Variants in SAMSN1 observed in about 807,000 individuals in gnomAD.
SAMSN1 encodes the protein SAM domain, SH3 domain and nuclear localization signals 1.
Under a neutral mutation model 42.0 loss-of-function variants are expected in SAMSN1, and 31 were observed. That is an observed-to-expected ratio of 0.74 (90% confidence interval 0.55 to 1.00). The LOEUF (loss-of-function observed/expected upper bound fraction) is 1.00, where lower values mean the gene tolerates loss of function less well. SAMSN1 is among the 50% of genes least tolerant of loss of function. The pLI, the probability that SAMSN1 is intolerant of heterozygous loss-of-function variation, is 0.00. For synonymous variants in SAMSN1, 178 were observed against 151.9 expected (o/e 1.17, Z -1.26); for missense variants, 464 against 439.4 (o/e 1.06, Z -0.50).
At chr21:14,627,716 A>T (rs1600972957) in intron 2 of SAMSN1, among the ~76,000 whole-genome samples, 1 of 152,328 alleles carries the variant, frequency 6.6e-6, no homozygotes, top group Admixed American at 6.5e-5. Flanking sequence ...TACTAAATTG[A>T]ACTAAAATTT....
At chr21:14,546,539 A>G, upstream of SAMSN1, among the ~76,000 whole-genome samples, 1 of 152,072 alleles carries the variant, frequency 6.6e-6, no homozygotes, top group East Asian at 1.9e-4. Flanking sequence ...AGCCATAAGG[A>G]TTTCAAAACA....
intron 3 of SAMSN1, among the ~76,000 whole-genome samples, chr21:14,613,901 C>G (rs892703968): frequency 6.6e-6 from 1 of 151,766 alleles, no homozygotes; most frequent in Non-Finnish European, 1.5e-5. Context: ...AGGAAACATA[C>G]AGTAGAGAAA....
At chr21:14,490,307 C>T (rs1223226520) in intron 7 of SAMSN1, among the ~76,000 whole-genome samples, 1 of 152,178 alleles carries the variant, frequency 6.6e-6, no homozygotes, top group African/African-American at 2.4e-5. Flanking sequence ...TGTTAAAATT[C>T]ATATGAGAAT....
chr21:14,587,349 A>T (rs528700305), upstream of SAMSN1, among the ~76,000 whole-genome samples: 2 of 152,108 alleles, frequency 1.3e-5, no homozygotes, highest in Non-Finnish European at 2.9e-5. Flanking sequence ...TTTTGATCTA[A>T]TGAGCCATTC....
chr21:14,544,342 C>T (rs144622009), intron 1 of SAMSN1, among the ~76,000 whole-genome samples: 33 of 152,260 alleles, frequency 2.2e-4, no homozygotes, highest in Middle Eastern at 3.4e-3. Flanking sequence ...TGAGCCCATG[C>T]ACCTGGACAG....
At chr21:14,583,605 T>C, upstream of SAMSN1, 1 of 710,092 alleles carries the variant, frequency 1.4e-6, no homozygotes, top group East Asian at 2.7e-5. Flanking sequence ...GCTTCCTTAG[T>C]TCTCCCTCAA....
chr21:14,622,921 C>G (rs1302447587), intron 2 of SAMSN1, among the ~76,000 whole-genome samples: 1 of 152,232 alleles, frequency 6.6e-6, no homozygotes, highest in Non-Finnish European at 1.5e-5. Context: ...CAGCGGACCT[C>G]TCAGCAGAAA....
chr21:14,557,715 C>T (rs1219785831), intron 2 of SAMSN1, among the ~76,000 whole-genome samples: 2 of 152,232 alleles, frequency 1.3e-5, no homozygotes, highest in African/African-American at 4.8e-5. Context: ...TTTTCCATCA[C>T]CAGGAAGGCT....
chr21:14,550,179 T>C (rs1980552465), upstream of SAMSN1, among the ~76,000 whole-genome samples: 1 of 152,074 alleles, frequency 6.6e-6, no homozygotes, highest in African/African-American at 2.4e-5. Context: ...CCCTGGCCTA[T>C]GGGAGGAGTT....
In SAMSN1 at chr21:14,517,045, G is replaced by C. The variant is rs756147823; in HGVS notation, c.130-4C>G. On this transcript the variant is annotated splice_region_variant and splice_polypyrimidine_tract_variant and intron_variant, in intron 2 of 7. Coordinates refer to ENST00000400566, the MANE Select transcript of SAMSN1 (RefSeq NM_022136.5). ...TTGTGGGATCTCCTTCATGTGCCTA[G>C]TTTAGAATTGTTTACAAAAGACAAA... The C allele has an allele frequency of 6.3e-7, 1 of 1,597,140 alleles. No homozygotes were observed. The highest frequency in any genetic ancestry group is 1.1e-5 in the South Asian group (1 of 87,832).
intron 2 of SAMSN1, among the ~76,000 whole-genome samples, chr21:14,581,650 G>A (rs971748582): frequency 2.0e-5 from 3 of 151,572 alleles, no homozygotes; most frequent in East Asian, 3.9e-4. Flanking sequence ...ATGAGCCACC[G>A]TGCCTGGCCA....
intron 3 of SAMSN1, among the ~76,000 whole-genome samples, chr21:14,613,846 T>C (rs1053988748): frequency 4.6e-5 from 7 of 152,008 alleles, no homozygotes; most frequent in Non-Finnish European, 1.0e-4. Flanking sequence ...ATACTTTATA[T>C]ATATTTGAAT....
At chr21:14,543,111 A>C (rs962869588) in intron 1 of SAMSN1, among the ~76,000 whole-genome samples, 2 of 152,236 alleles carry the variant, frequency 1.3e-5, no homozygotes, top group African/African-American at 2.4e-5. Context: ...GTTCTGAGAC[A>C]CACATTAAAG....
At chr21:14,580,670 A>G (rs1568817820) in intron 2 of SAMSN1, among the ~76,000 whole-genome samples, 1 of 152,258 alleles carries the variant, frequency 6.6e-6, no homozygotes, top group Non-Finnish European at 1.5e-5. Flanking sequence ...TTACTATGGC[A>G]CTTTGAACAC....
chr21:14,599,877 T>C (rs13047481), intron 6 of SAMSN1, among the ~76,000 whole-genome samples: 2 of 152,202 alleles, frequency 1.3e-5, no homozygotes, highest in Non-Finnish European at 2.9e-5. Flanking sequence ...TTTATTATTG[T>C]TTCTTTATTT....
chr21:14,550,395 C>T (rs917661490), upstream of SAMSN1, among the ~76,000 whole-genome samples: 2 of 152,048 alleles, frequency 1.3e-5, no homozygotes, highest in South Asian at 2.1e-4. Flanking sequence ...TGGTGACCTG[C>T]TCCAGGAAGT....
intron 2 of SAMSN1, chr21:14,619,527 AT>A (rs140243840): frequency 2.5e-4 from 44 of 179,372 alleles, no homozygotes; most frequent in South Asian, 1.2e-3. Context: ...TTTCTAATGT[AT>A]TTTTTTTGGA....
At chr21:14,620,610 A>G (rs1982977779) in intron 2 of SAMSN1, among the ~76,000 whole-genome samples, 1 of 152,172 alleles carries the variant, frequency 6.6e-6, no homozygotes, top group Admixed American at 6.5e-5. Flanking sequence ...TCATTGTTTT[A>G]GATGCAAAAA....
chr21:14,633,222 G>C (rs981925759), intron 2 of SAMSN1, among the ~76,000 whole-genome samples: 1 of 151,204 alleles, frequency 6.6e-6, no homozygotes, highest in Non-Finnish European at 1.5e-5. Context: ...CACACACACA[G>C]ACACCATGCA....
Sources: allele counts gnomAD v4.1 joint callset (sites outside exome capture counted in the v4.1 genomes callset), GRCh38; gene constraint gnomAD v4.1.1; transcripts MANE v1.5; gene names NCBI Gene and HGNC (gene_info 2026-07-23, HGNC 2026-07-21).